Variants in ERC2 observed in about 807,000 individuals in gnomAD.
ERC2 encodes ELKS/RAB6-interacting/CAST family member 2, also known as ERC protein 2.
In ERC2, 42 loss-of-function variants were observed where a neutral mutation model predicts 114.8. The observed-to-expected ratio is 0.37, with a 90% CI of 0.29 to 0.47. ERC2 has a LOEUF of 0.47. ERC2 is among the 20% of genes least tolerant of loss of function. The probability of loss-of-function intolerance (pLI) is 0.99; values close to 1 mark genes in which losing one functional copy is unlikely to be tolerated. For missense variants in ERC2, 939 were observed against 1,150.7 expected (o/e 0.82, Z 2.66); for synonymous variants, 454 against 425.5 (o/e 1.07, Z -0.82).
At chr3:55,763,376 A>G (rs1036675367) in intron 14 of ERC2, among the ~76,000 whole-genome samples, 5 of 152,230 alleles carry the variant, frequency 3.3e-5, no homozygotes, top group African/African-American at 1.2e-4. Flanking sequence ...GAATTTTCCA[A>G]CAAGGAAGCA....
chr3:56,171,683 T>C (rs2082675161), intron 4 of ERC2, among the ~76,000 whole-genome samples: 2 of 152,090 alleles, frequency 1.3e-5, no homozygotes, highest in East Asian at 1.9e-4. Context: ...TAAAACATAA[T>C]GCTAAAAACA....
chr3:55,952,166 C>CTAT (rs1159931712), intron 12 of ERC2, among the ~76,000 whole-genome samples: 26 of 89,618 alleles, frequency 2.9e-4, no homozygotes, highest in African/African-American at 4.4e-4. Flanking sequence ...CACACACACA[C>CTAT]ACACACACAC....
intron 2 of ERC2, among the ~76,000 whole-genome samples, chr3:56,357,812 A>G (rs1378600499): frequency 6.7e-6 from 1 of 149,474 alleles, no homozygotes; most frequent in East Asian, 2.0e-4. Context: ...CATAATTTTT[A>G]AAAGTCTAAA....
chr3:56,306,268 C>T (rs2056221443), intron 2 of ERC2, among the ~76,000 whole-genome samples: 2 of 152,110 alleles, frequency 1.3e-5, no homozygotes. Context: ...TCTGCTGGCC[C>T]CTGCCCTAAA....
chr3:55,955,029 C>T (rs1002655940), intron 12 of ERC2: 9 of 409,394 alleles, frequency 2.2e-5, no homozygotes, highest in South Asian at 1.7e-4. Context: ...TATACTGTTA[C>T]TCAAAAAAGC....
At position 56,234,845 on chromosome 3, in the gene ERC2, G is replaced by A. The variant is rs1002077543; in HGVS notation, c.1074+61174C>T. On this transcript the variant is annotated intron_variant, in intron 3 of 17. Transcript: ENST00000288221. The stretch of plus-strand genomic sequence containing the variant: ...CAGCATTAATCTACACATAAGGACA[G>A]TGTCCCCACTAACCAAACACCTCCC... Among the ~76,000 whole-genome samples, 4 of 152,300 alleles carry A rather than the reference G, an allele frequency of 2.6e-5. No individual in the cohort carries two copies. In the East Asian group the frequency reaches 7.7e-4, roughly 29 times the overall value.
At chr3:55,627,183 T>C (rs1559763343) in intron 17 of ERC2, among the ~76,000 whole-genome samples, 2 of 152,150 alleles carry the variant, frequency 1.3e-5, no homozygotes, top group Non-Finnish European at 2.9e-5. Flanking sequence ...AATTTCTTCT[T>C]TTGGCCGGGT....
intron 17 of ERC2, among the ~76,000 whole-genome samples, chr3:55,525,403 AT>A (rs1042275294): frequency 6.6e-6 from 1 of 152,132 alleles, no homozygotes; most frequent in Non-Finnish European, 1.5e-5. Flanking sequence ...CTGAAATACA[AT>A]GTGATGTGTG....
At chr3:56,424,722 G>C (rs2061502602) in intron 2 of ERC2, among the ~76,000 whole-genome samples, 1 of 152,150 alleles carries the variant, frequency 6.6e-6, no homozygotes, top group South Asian at 2.1e-4. Flanking sequence ...AATTTTTCCA[G>C]CTCTCTGGAA....
intron 13 of ERC2, among the ~76,000 whole-genome samples, chr3:55,889,660 G>T (rs1410134675): frequency 1.3e-5 from 2 of 152,018 alleles, no homozygotes. Context: ...TTGCACAGAT[G>T]CAGGCTGTGT....
chr3:55,996,210 C>T (rs2071497388), intron 10 of ERC2, among the ~76,000 whole-genome samples: 1 of 152,184 alleles, frequency 6.6e-6, no homozygotes, highest in Non-Finnish European at 1.5e-5. Context: ...GGAAGGCTTG[C>T]CCTTTCTATA....
chr3:56,080,775 A>T, intron 7 of ERC2, 42 bp downstream of exon 7: 1 of 1,585,190 alleles, frequency 6.3e-7, no homozygotes, highest in Non-Finnish European at 8.6e-7. Flanking sequence ...ATGACAAAAC[A>T]TGGATGATAC....
chr3:56,073,323 T>C (rs896585721), intron 7 of ERC2, among the ~76,000 whole-genome samples: 1 of 152,098 alleles, frequency 6.6e-6, no homozygotes, highest in Non-Finnish European at 1.5e-5. Flanking sequence ...GGATGATTAT[T>C]TATTGGGGGG....
chr3:55,690,837 T>A lies in ERC2; in HGVS notation c.2848-6978A>T, dbSNP rs117620563. Among the ~76,000 whole-genome samples, 143 of 152,348 alleles carry A rather than the reference T, an allele frequency of 9.4e-4. 1 individual carries two copies. The East Asian group carries it at 0.025, about 26-fold the overall frequency. On this transcript the variant is annotated intron_variant, in intron 16 of 17. Transcript: ENST00000288221. Reference sequence around the variant, plus strand: ...CCCTCATGTGCTCACATGCAGGGAATTAGCATCGCACCCAGATTAAAGGGC... The same window carrying A: ...CCCTCATGTGCTCACATGCAGGGAAATAGCATCGCACCCAGATTAAAGGGC...
At chr3:56,369,035 C>T (rs1364596510) in intron 2 of ERC2, among the ~76,000 whole-genome samples, 1 of 152,188 alleles carries the variant, frequency 6.6e-6, no homozygotes, top group Non-Finnish European at 1.5e-5. Flanking sequence ...CTTTCAGAAG[C>T]ACACAGCTGA....
intron 2 of ERC2, among the ~76,000 whole-genome samples, chr3:56,342,260 T>A (rs1388111670): frequency 6.6e-6 from 1 of 152,230 alleles, no homozygotes; most frequent in African/African-American, 2.4e-5. Flanking sequence ...CTTATTGCCA[T>A]CACAGAACTC....
At chr3:55,770,463 T>C (rs914532682) in intron 14 of ERC2, among the ~76,000 whole-genome samples, 1 of 152,204 alleles carries the variant, frequency 6.6e-6, no homozygotes. Context: ...TATTCCTGCA[T>C]GACAGAAATC....
At chr3:56,020,871 T>C (rs2073668875) in intron 7 of ERC2, among the ~76,000 whole-genome samples, 3 of 152,100 alleles carry the variant, frequency 2.0e-5, no homozygotes, top group African/African-American at 7.2e-5. Context: ...ACTTATGTCA[T>C]AATCCCTGGG....
intron 14 of ERC2, among the ~76,000 whole-genome samples, chr3:55,785,561 C>G (rs1055001107): frequency 6.6e-6 from 1 of 152,222 alleles, no homozygotes; most frequent in Non-Finnish European, 1.5e-5. Flanking sequence ...AACTCTCCCC[C>G]ACACTGAGGA....
Sources: gnomAD v4.1 joint callset for allele counts (sites outside exome capture counted in the v4.1 genomes callset) on GRCh38, gnomAD v4.1.1 for gene constraint, MANE v1.5 for transcripts, NCBI Gene and HGNC (gene_info 2026-07-23, HGNC 2026-07-21) for gene names.